Variants in MARK4 observed in about 807,000 individuals in gnomAD.
The protein encoded by MARK4 is microtubule affinity regulating kinase 4.
MARK4 carries 19 observed loss-of-function variants against 81.5 expected under a neutral mutation model. The ratio of observed to expected loss-of-function variants is 0.23; its 90% confidence interval spans 0.16 to 0.34. The LOEUF (loss-of-function observed/expected upper bound fraction) is 0.34. MARK4 is among the 10% of genes least tolerant of loss of function. The pLI, the probability that MARK4 is intolerant of heterozygous loss-of-function variation, is 1.00. For synonymous variants in MARK4, 436 were observed against 439.0 expected, an observed-to-expected ratio of 0.99 and a Z score of 0.08; for missense variants, 772 against 1,058.8, an observed-to-expected ratio of 0.73 and a Z score of 3.76.
At chr19:45,257,729 A>T (rs1289684936) in intron 1 of MARK4, among the ~76,000 whole-genome samples, 4 of 135,406 alleles carry the variant, frequency 3.0e-5, no homozygotes, top group Admixed American at 1.6e-4. Flanking sequence ...TCGCTCTGTC[A>T]CCCAGGCTGG....
intron 1 of MARK4, 22 bp downstream of exon 1, chr19:45,251,661 G>A (rs1413551145): frequency 1.3e-6 from 2 of 1,512,514 alleles, no homozygotes; most frequent in South Asian, 2.5e-5. Context: ...CCGGCCCCTT[G>A]GGGAGCCCTG....
At position 45,278,039 on chromosome 19, in the gene MARK4, C is replaced by A; in HGVS notation, c.903C>A (p.Leu301=). 3.1e-6 allele frequency: 5 copies of A among 1,613,508 alleles called. No individual in the cohort carries two copies. The highest frequency in any genetic ancestry group is 4.2e-6 in the Non-Finnish European group (5 of 1,179,928). ...LVLNPAKRCT[L]EQIMKDKWIN... Reference sequence around the variant, plus strand: ...TGAACCCAGCTAAACGCTGTACTCTCGAGGTGAGCCCAGCCTCACAGCCAG... The same window carrying A: ...TGAACCCAGCTAAACGCTGTACTCTAGAGGTGAGCCCAGCCTCACAGCCAG... Residue 301 remains leucine (L), a synonymous_variant, in exon 9 of 17, where the codon CTC becomes CTA. Transcript: ENST00000262891.
At chr19:45,273,787 C>T (rs990122103) in intron 8 of MARK4, among the ~76,000 whole-genome samples, 2 of 152,230 alleles carry the variant, frequency 1.3e-5, no homozygotes, top group Admixed American at 6.5e-5. Context: ...GGAGCACGTA[C>T]TGTGATATGA....
At chr19:45,261,914 CAA>C (rs896529648) in intron 2 of MARK4, among the ~76,000 whole-genome samples, 3 of 148,906 alleles carry the variant, frequency 2.0e-5, no homozygotes, top group Non-Finnish European at 4.5e-5. Context: ...GCCTGAGCAA[CAA>C]GAGGGAAACT....
intron 12 of MARK4, among the ~76,000 whole-genome samples, chr19:45,285,160 G>A (rs1309095662): frequency 1.3e-5 from 2 of 151,348 alleles, no homozygotes; most frequent in Non-Finnish European, 2.9e-5. Context: ...TTGAGAGGCT[G>A]AGGTGGGAGG....
intron 12 of MARK4, among the ~76,000 whole-genome samples, chr19:45,281,387 G>A (rs1457422778): frequency 1.7e-5 from 2 of 114,776 alleles, no homozygotes; most frequent in Non-Finnish European, 3.6e-5. Flanking sequence ...TTGAGACAGA[G>A]TCTCACTCTG....
intron 1 of MARK4, among the ~76,000 whole-genome samples, chr19:45,256,210 G>A (rs943581053): frequency 6.6e-6 from 1 of 152,164 alleles, no homozygotes; most frequent in African/African-American, 2.4e-5. Flanking sequence ...GGCCGAGGTG[G>A]GTGGATCACC....
chr19:45,254,847 T>C (rs1471168555), intron 1 of MARK4, among the ~76,000 whole-genome samples: 1 of 152,190 alleles, frequency 6.6e-6, no homozygotes, highest in Non-Finnish European at 1.5e-5. Flanking sequence ...CTGCAGGAAT[T>C]AAGTGTAGGC....
At chr19:45,291,670 T>C (rs1970822608) in intron 13 of MARK4, among the ~76,000 whole-genome samples, 1 of 152,084 alleles carries the variant, frequency 6.6e-6, no homozygotes. Flanking sequence ...TAGTCCCAGC[T>C]ACTCGGGAGG....
chr19:45,294,508 G>T, intron 14 of MARK4, 56 bp downstream of exon 14: 1 of 1,444,618 alleles, frequency 6.9e-7, no homozygotes. Context: ...AGGTGAACAG[G>T]ACCTCCCTTG....
intron 2 of MARK4, among the ~76,000 whole-genome samples, chr19:45,259,906 A>T (rs1053069864): frequency 6.7e-6 from 1 of 149,546 alleles, no homozygotes; most frequent in African/African-American, 2.5e-5. Context: ...GACCAACATG[A>T]TGAAACCCTG....
Position 45,294,502 on chromosome 19 carries a change from G to A in MARK4, c.1598+50G>A, listed in dbSNP as rs1970861077. On this transcript the variant is annotated intron_variant, in intron 14 of 16. Transcript: ENST00000262891. ...GAGGGGTGGGAAGTAGGGGGTAGGT[G>A]AACAGGACCTCCCTTGATCTGAGAT... 4 of 1,482,688 alleles carry A rather than the reference G, an allele frequency of 2.7e-6. No homozygotes were observed. The South Asian group carries it at 4.6e-5, about 17-fold the overall frequency. 91.8% of individuals were successfully genotyped at this position (1,482,688 alleles called of 1,614,324 possible).
intron 15 of MARK4, chr19:45,298,296 T>G: frequency 1.4e-6 from 2 of 1,479,656 alleles, no homozygotes; most frequent in Non-Finnish European, 1.9e-6. Context: ...TGTGCGGGCA[T>G]TGGGAGGGGG....
intron 1 of MARK4, among the ~76,000 whole-genome samples, chr19:45,255,450 A>C (rs1970294693): frequency 6.6e-6 from 1 of 150,764 alleles, no homozygotes; most frequent in African/African-American, 2.4e-5. Flanking sequence ...AATCCCAGCC[A>C]CTCGGGAGGC....
chr19:45,295,922 A>T (rs1423996571), intron 14 of MARK4, among the ~76,000 whole-genome samples: 1 of 152,192 alleles, frequency 6.6e-6, no homozygotes, highest in Non-Finnish European at 1.5e-5. Flanking sequence ...TTTGGTGGTT[A>T]TCAAATAACA....
At chr19:45,277,255 T>G (rs755204281) in intron 8 of MARK4, among the ~76,000 whole-genome samples, 2 of 151,054 alleles carry the variant, frequency 1.3e-5, no homozygotes, top group Non-Finnish European at 3.0e-5. Context: ...TTTTTGTATT[T>G]TTAGTGGAGA....
At chr19:45,267,376 A>G (rs1399311708) in intron 7 of MARK4, among the ~76,000 whole-genome samples, 3 of 152,064 alleles carry the variant, frequency 2.0e-5, no homozygotes, top group African/African-American at 7.2e-5. Context: ...GGGCTTTGAG[A>G]GAAAAGCCAC....
chr19:45,298,108 C>A (rs752035340), intron 15 of MARK4, 154 bp downstream of exon 15: 18 of 1,607,174 alleles, frequency 1.1e-5, no homozygotes, highest in Non-Finnish European at 1.5e-5. Context: ...TTTCCTCCTC[C>A]CCTGTCACCC....
intron 12 of MARK4, 91 bp downstream of exon 12, chr19:45,280,825 A>G: frequency 6.5e-7 from 1 of 1,538,080 alleles, no homozygotes; most frequent in South Asian, 1.2e-5. Flanking sequence ...GGCAAGCAAC[A>G]GAAACCCACT....
Sources: allele counts gnomAD v4.1 joint callset (sites outside exome capture counted in the v4.1 genomes callset), GRCh38; gene constraint gnomAD v4.1.1; transcripts MANE v1.5; gene names NCBI Gene and HGNC (gene_info 2026-07-23, HGNC 2026-07-21).